The following KCNK2 variants were observed in gnomAD, a reference collection of about 807,000 sequenced individuals.
KCNK2 encodes the protein potassium two pore domain channel subfamily K member 2, also known as potassium channel subfamily K member 2.
Under a neutral mutation model 40.5 loss-of-function variants are expected in KCNK2, and 21 were observed. The observed-to-expected ratio is 0.52, with a 90% CI of 0.37 to 0.75. KCNK2 has a LOEUF of 0.75. Among genes scored for constraint, KCNK2 ranks in the 30% least tolerant of loss-of-function variants. The pLI is 0.00. For synonymous variants in KCNK2, 191 were observed against 202.2 expected (o/e 0.94, Z 0.47); for missense variants, 399 against 531.6 (o/e 0.75, Z 2.45).
chr1:215,029,216 T>C (rs750104450), intron 1 of KCNK2, among the ~76,000 whole-genome samples: 30 of 152,078 alleles, frequency 2.0e-4, no homozygotes, highest in African/African-American at 7.0e-4. Context: ...TCCACCAGCA[T>C]AGTAATCATA....
intron 3 of KCNK2, among the ~76,000 whole-genome samples, chr1:215,139,667 C>A (rs1350071477): frequency 6.6e-6 from 1 of 151,984 alleles, no homozygotes; most frequent in Non-Finnish European, 1.5e-5. Flanking sequence ...CCTGCAATCC[C>A]AGCTATTTGG....
In KCNK2 at chr1:215,125,599, GA is replaced by G. The variant is rs547747494; in HGVS notation, c.475+850del. On this transcript the variant is annotated intron_variant, in intron 3 of 6. Transcript: ENST00000444842. ...ACCAGGGCCTGTTGTGGGGTGGGGA[GA>G]TGGGGGAGGGATAGCATTAGGAGAT... is the stretch of plus-strand genomic sequence containing the variant. Among the ~76,000 whole-genome samples the G allele has an allele frequency of 2.8e-3, 424 of 151,962 alleles. 3 individuals are homozygous for G. The highest frequency in any genetic ancestry group is 9.6e-3 in the African/African-American group (397 of 41,458).
At chr1:215,141,984 T>A (rs1662193738) in intron 3 of KCNK2, among the ~76,000 whole-genome samples, 1 of 152,132 alleles carries the variant, frequency 6.6e-6, no homozygotes, top group Admixed American at 6.6e-5. Context: ...TATATTTCAT[T>A]TGTCTTTTGA....
intron 1 of KCNK2, among the ~76,000 whole-genome samples, chr1:215,011,453 C>T (rs985699542): frequency 1.3e-4 from 19 of 151,846 alleles, no homozygotes; most frequent in Admixed American, 4.6e-4. Context: ...GCCACCACAT[C>T]GGCTAAATTT....
rs138673525 is a variant in KCNK2, at chr1:215,175,079, A to T, written c.823+2896A>T. On this transcript the variant is annotated intron_variant, in intron 5 of 6. Coordinates refer to ENST00000444842, the MANE Select transcript of KCNK2 (RefSeq NM_001017425.3). Reference sequence around the variant, plus strand: ...AAGGAAATGCTTCCAGTTTTTGCCCATTCAGTATGATATTGGCTGTGGGTT... The same window carrying T: ...AAGGAAATGCTTCCAGTTTTTGCCCTTTCAGTATGATATTGGCTGTGGGTT... Among the ~76,000 whole-genome samples the T allele has an allele frequency of 4.3e-3, 651 of 152,278 alleles. 3 individuals carry two copies. Among genetic ancestry groups the T allele is most frequent in the African/African-American group, 0.015 (629 of 41,562 alleles).
chr1:215,133,734 T>G (rs1661772936), intron 3 of KCNK2, among the ~76,000 whole-genome samples: 1 of 152,134 alleles, frequency 6.6e-6, no homozygotes, highest in Admixed American at 6.5e-5. Context: ...AAAGTACCTG[T>G]GCCAAATGAA....
At chr1:215,165,405 A>G (rs1015538965) in intron 3 of KCNK2, among the ~76,000 whole-genome samples, 4 of 152,172 alleles carry the variant, frequency 2.6e-5, no homozygotes, top group African/African-American at 7.2e-5. Context: ...AATGGCATCT[A>G]TAATTTGACA....
chr1:215,026,850 A>G (rs977803095), intron 1 of KCNK2, among the ~76,000 whole-genome samples: 2 of 152,200 alleles, frequency 1.3e-5, no homozygotes, highest in African/African-American at 2.4e-5. Flanking sequence ...AAACATATAC[A>G]TACGTCCTTA....
rs1659559228 is a variant in KCNK2, at chr1:215,088,590, AC to A, written c.357+1914del. The stretch of plus-strand genomic sequence containing the variant: ...GACAGGACAGGAAAAAAAAAAAAAA[AC>A]CATGACCAGCGTTTCAGGACAACAC... On this transcript the variant is annotated intron_variant, in intron 2 of 6. Transcript: ENST00000444842. Among the ~76,000 whole-genome samples the A allele has an allele frequency of 4.0e-5, 6 of 150,362 alleles. No homozygotes were observed. The South Asian group carries it at 1.1e-3, about 26-fold the overall frequency.
At chr1:215,101,674 G>A (rs1391941495) in intron 2 of KCNK2, among the ~76,000 whole-genome samples, 7 of 152,042 alleles carry the variant, frequency 4.6e-5, no homozygotes, top group Middle Eastern at 3.4e-3. Context: ...GTCTCATGCC[G>A]CATAATGACA....
intron 1 of KCNK2, among the ~76,000 whole-genome samples, chr1:215,033,306 T>C (rs949490215): frequency 3.9e-5 from 6 of 152,112 alleles, no homozygotes; most frequent in Admixed American, 6.6e-5. Flanking sequence ...CTCAGCATAT[T>C]AGTCATAATT....
At chr1:215,055,846 AT>A (rs1658138998) in intron 1 of KCNK2, among the ~76,000 whole-genome samples, 1 of 152,178 alleles carries the variant, frequency 6.6e-6, no homozygotes, top group South Asian at 2.1e-4. Flanking sequence ...GTGATTATAC[AT>A]GGCATTGTCC....
chr1:215,168,871 GAAAGA>G (rs1036470570), intron 3 of KCNK2, among the ~76,000 whole-genome samples: 4 of 151,546 alleles, frequency 2.6e-5, no homozygotes, highest in African/African-American at 9.7e-5. Flanking sequence ...AGCAAAAAAA[GAAAGA>G]AAAAAGAAAT....
intron 2 of KCNK2, among the ~76,000 whole-genome samples, chr1:215,122,275 T>C (rs1295498218): frequency 1.3e-5 from 2 of 152,166 alleles, no homozygotes; most frequent in Non-Finnish European, 2.9e-5. Flanking sequence ...ATATGTGAAG[T>C]ATTCAACATA....
intron 1 of KCNK2, among the ~76,000 whole-genome samples, chr1:215,040,539 G>A (rs573737365): frequency 6.6e-6 from 1 of 152,230 alleles, no homozygotes; most frequent in African/African-American, 2.4e-5. Context: ...TGTGACTAAT[G>A]GGGATCCTGG....
chr1:215,071,597 T>G (rs1383136780), intron 1 of KCNK2, among the ~76,000 whole-genome samples: 1 of 152,070 alleles, frequency 6.6e-6, no homozygotes, highest in Non-Finnish European at 1.5e-5. Flanking sequence ...AAAGCTATAA[T>G]TATAGCAATT....
intron 4 of KCNK2, 60 bp from the exon 5 acceptor site, chr1:215,171,936 CT>C (rs1663729042): frequency 9.7e-6 from 11 of 1,138,250 alleles, no homozygotes; most frequent in Admixed American, 4.7e-5. Flanking sequence ...CTCTCTCTCT[CT>C]CTCTCCCCCC....
intron 2 of KCNK2, among the ~76,000 whole-genome samples, chr1:215,090,959 G>T (rs1659667649): frequency 6.6e-6 from 1 of 152,064 alleles, no homozygotes; most frequent in African/African-American, 2.4e-5. Context: ...TCAATGGTGG[G>T]TGTTGAGCCA....
chr1:215,213,085 G>A (rs1665805957), intron 6 of KCNK2, among the ~76,000 whole-genome samples: 1 of 152,126 alleles, frequency 6.6e-6, no homozygotes, highest in South Asian at 2.1e-4. Flanking sequence ...CTGGCTTTGA[G>A]ACATCATGCA....
Sources: gnomAD v4.1 joint callset for allele counts (sites outside exome capture counted in the v4.1 genomes callset) on GRCh38, gnomAD v4.1.1 for gene constraint, MANE v1.5 for transcripts, NCBI Gene and HGNC (gene_info 2026-07-23, HGNC 2026-07-21) for gene names.